Variants in DLG2 observed in about 807,000 individuals in gnomAD.
The protein encoded by DLG2 is discs large MAGUK scaffold protein 2, also known as disks large homolog 2.
A neutral mutation model predicts 132.5 loss-of-function variants in DLG2; 45 were observed. That is an observed-to-expected ratio of 0.34 (90% CI 0.27 to 0.44). The LOEUF is 0.44. Among genes scored for constraint, DLG2 ranks in the 20% least tolerant of loss-of-function variants. DLG2 has a pLI of 1.00. For synonymous variants in DLG2, 424 were observed against 419.6 expected (o/e 1.01, Z -0.13); for missense variants, 1,045 against 1,196.9 (o/e 0.87, Z 1.87).
intron 5 of DLG2, among the ~76,000 whole-genome samples, chr11:85,137,050 A>G (rs932819932): frequency 2.6e-5 from 4 of 152,102 alleles, no homozygotes; most frequent in Non-Finnish European, 5.9e-5. Context: ...TGGTGCATGT[A>G]GCTGAAGGTA....
chr11:84,957,326 A>G (rs1393637409), intron 6 of DLG2, among the ~76,000 whole-genome samples: 1 of 152,194 alleles, frequency 6.6e-6, no homozygotes, highest in Non-Finnish European at 1.5e-5. Context: ...ATGGTTATAA[A>G]TTGCTTTCAT....
At position 85,426,680 on chromosome 11, in the gene DLG2, A is replaced by C. The variant is rs571581036; in HGVS notation, c.41-141315T>G. 4.6e-5 allele frequency among the ~76,000 whole-genome samples: 7 copies of C among 152,322 alleles called. No individual in the cohort carries two copies. In the South Asian group the frequency reaches 6.2e-4, roughly 14 times the overall value. On this transcript the variant is annotated intron_variant, in intron 3 of 27. Coordinates refer to ENST00000376104, the MANE Select transcript of DLG2 (RefSeq NM_001142699.3). ...GATAAAACCACAAAGATGGGGAAAA[A>C]ACAGAGCAGAAAAACTGGAAACTCT...
intron 7 of DLG2, among the ~76,000 whole-genome samples, chr11:84,293,533 G>A (rs2098039022): frequency 6.6e-6 from 1 of 152,110 alleles, no homozygotes; most frequent in Non-Finnish European, 1.5e-5. Flanking sequence ...AATTAGCCGT[G>A]CATAGTGGCA....
chr11:84,790,143 T>G (rs2073589330), intron 6 of DLG2, among the ~76,000 whole-genome samples: 1 of 151,996 alleles, frequency 6.6e-6, no homozygotes, highest in African/African-American at 2.4e-5. Flanking sequence ...CTATATTTAG[T>G]TTTTTTTAGG....
At chr11:84,936,991 A>T (rs1172677721) in intron 6 of DLG2, among the ~76,000 whole-genome samples, 1 of 152,116 alleles carries the variant, frequency 6.6e-6, no homozygotes, top group African/African-American at 2.4e-5. Context: ...CGTCTGTACT[A>T]AAACACAAAA....
At chr11:85,156,751 T>C (rs972645731) in intron 4 of DLG2, among the ~76,000 whole-genome samples, 1 of 152,196 alleles carries the variant, frequency 6.6e-6, no homozygotes, top group African/African-American at 2.4e-5. Context: ...CATCATAGAC[T>C]AAGCGCAAAG....
intron 3 of DLG2, among the ~76,000 whole-genome samples, chr11:85,543,131 T>TC (rs2076082820): frequency 6.6e-6 from 1 of 152,142 alleles, no homozygotes; most frequent in Non-Finnish European, 1.5e-5. Context: ...ATGCTATCCC[T>TC]CCCCTAGGCC....
At chr11:84,505,955 C>G (rs993879807) in intron 7 of DLG2, among the ~76,000 whole-genome samples, 13 of 152,070 alleles carry the variant, frequency 8.5e-5, no homozygotes, top group Non-Finnish European at 1.9e-4. Flanking sequence ...TTCCTGAAAC[C>G]TGTAACTGTG....
At chr11:85,500,878 A>G (rs958847387) in intron 3 of DLG2, among the ~76,000 whole-genome samples, 1 of 152,218 alleles carries the variant, frequency 6.6e-6, no homozygotes, top group African/African-American at 2.4e-5. Flanking sequence ...TATCCCCATC[A>G]AGTTACCACT....
At chr11:84,655,716 T>C (rs1357588596) in intron 6 of DLG2, among the ~76,000 whole-genome samples, 1 of 150,838 alleles carries the variant, frequency 6.6e-6, no homozygotes, top group Non-Finnish European at 1.5e-5. Flanking sequence ...ATGACCAAAC[T>C]GTACTTTGTT....
At chr11:84,093,196 C>A (rs1017705195) in intron 10 of DLG2, among the ~76,000 whole-genome samples, 2 of 152,156 alleles carry the variant, frequency 1.3e-5, no homozygotes, top group Admixed American at 1.3e-4. Context: ...AAGGCTGTAT[C>A]AAGATGTCAG....
At chr11:84,870,694 A>G (rs1009713330) in intron 6 of DLG2, among the ~76,000 whole-genome samples, 2 of 152,168 alleles carry the variant, frequency 1.3e-5, no homozygotes, top group Non-Finnish European at 2.9e-5. Context: ...ACACACATTT[A>G]TATATTTACA....
chr11:84,983,919 T>G (rs937364134), intron 6 of DLG2, among the ~76,000 whole-genome samples: 51 of 152,068 alleles, frequency 3.4e-4, no homozygotes, highest in African/African-American at 1.2e-3. Context: ...AAGACAAGGT[T>G]TTTGAATTAA....
chr11:83,621,338 G>A (rs1236418400), intron 19 of DLG2, among the ~76,000 whole-genome samples: 2 of 152,026 alleles, frequency 1.3e-5, no homozygotes, highest in East Asian at 3.9e-4. Flanking sequence ...TTTTGGCAAT[G>A]ACATATGGGA....
chr11:85,560,557 T>C (rs191376703), intron 3 of DLG2, among the ~76,000 whole-genome samples: 1 of 151,804 alleles, frequency 6.6e-6, no homozygotes, highest in East Asian at 1.9e-4. Context: ...AGAAAGTAAA[T>C]CAGTTGTGGG....
At chr11:85,415,498 T>C (rs907729389) in intron 3 of DLG2, among the ~76,000 whole-genome samples, 1 of 152,216 alleles carries the variant, frequency 6.6e-6, no homozygotes, top group South Asian at 2.1e-4. Flanking sequence ...CATTCCTATT[T>C]CTCCACATCC....
chr11:83,803,893 A>C (rs1417033356), intron 17 of DLG2, among the ~76,000 whole-genome samples: 3 of 152,110 alleles, frequency 2.0e-5, no homozygotes, highest in Non-Finnish European at 4.4e-5. Flanking sequence ...CTGTTAATGC[A>C]AAACTCAAAC....
chr11:83,936,064 T>A (rs547560547), intron 14 of DLG2, among the ~76,000 whole-genome samples: 189 of 152,324 alleles, frequency 1.2e-3, no homozygotes, highest in Non-Finnish European at 1.9e-3. Flanking sequence ...CTCACAAGGA[T>A]GCATAACCTC....
intron 3 of DLG2, among the ~76,000 whole-genome samples, chr11:85,488,086 C>A (rs2093471464): frequency 6.6e-6 from 1 of 152,160 alleles, no homozygotes; most frequent in African/African-American, 2.4e-5. Flanking sequence ...TCTCTTGACA[C>A]TGACATGTAA....
Sources: gnomAD v4.1 joint callset for allele counts (sites outside exome capture counted in the v4.1 genomes callset) on GRCh38, gnomAD v4.1.1 for gene constraint, MANE v1.5 for transcripts, NCBI Gene and HGNC (gene_info 2026-07-23, HGNC 2026-07-21) for gene names.